Variants in TBC1D8 observed in about 807,000 individuals in gnomAD.
The protein encoded by TBC1D8 is BUB2-like protein 1.
Under a neutral mutation model 118.8 loss-of-function variants are expected in TBC1D8, and 65 were observed. The ratio of observed to expected loss-of-function variants is 0.55; its 90% CI spans 0.45 to 0.67. The LOEUF (loss-of-function observed/expected upper bound fraction) is 0.67, where lower values mean the gene tolerates loss of function less well. Ranked by LOEUF, TBC1D8 falls within the 30% of genes least tolerant of loss-of-function variation. The pLI is 0.00. For missense variants in TBC1D8, 1,376 were observed against 1,471.2 expected, an observed-to-expected ratio of 0.94 and a Z score of 1.06; for synonymous variants, 566 against 595.8, an observed-to-expected ratio of 0.95 and a Z score of 0.73.
At chr2:101,122,383 CAAAAAAAAAAAAAAAA>C (rs70943064) in intron 1 of TBC1D8, among the ~76,000 whole-genome samples, 3,963 of 72,070 alleles carry the variant, frequency 0.055, 285 homozygotes, top group African/African-American at 0.16. Flanking sequence ...GACTCCATTT[CAAAAAAAAAAAAAAAA>C]AAAAAAAAAA....
rs1199358849 is a variant in TBC1D8 at position 101,134,191 on chromosome 2, TCTCTCTCACACACACA to T, written c.127+16920_127+16935del. Among the ~76,000 whole-genome samples the T allele has an allele frequency of 2.3e-3, 217 of 96,080 alleles. 1 individual carries two copies. The highest frequency in any genetic ancestry group is 7.0e-3 in the African/African-American group (154 of 22,056). 63.0% of individuals were successfully genotyped at this position (96,080 alleles called of 152,430 possible). On this transcript the variant is annotated intron_variant, in intron 1 of 19. Coordinates refer to ENST00000409318, the MANE Select transcript of TBC1D8 (RefSeq NM_001330348.2). ...CTCTTTCTCTCTCTCTCTCTCTCTCTCTCTCTCACACACACACACACACACACACACACACACACAC... is the reference window on the plus strand; with the variant it reads ...CTCTTTCTCTCTCTCTCTCTCTCTCTCACACACACACACACACACACACAC...
chr2:101,136,597 C>A (rs1678863330), intron 1 of TBC1D8, among the ~76,000 whole-genome samples: 1 of 152,164 alleles, frequency 6.6e-6, no homozygotes, highest in Non-Finnish European at 1.5e-5. Context: ...AGCATCAAAG[C>A]CTTCCTTTAC....
chr2:101,075,431 G>A (rs1201817366), intron 2 of TBC1D8, among the ~76,000 whole-genome samples: 1 of 151,776 alleles, frequency 6.6e-6, no homozygotes, highest in African/African-American at 2.4e-5. Context: ...CAGGAAGGGT[G>A]ATCTAGTTAG....
rs1681167245 is a variant in TBC1D8, at chr2:101,038,444, G to A, written c.1275+17C>T. On this transcript the variant is annotated intron_variant, in intron 7 of 19. Coordinates refer to ENST00000409318, the MANE Select transcript of TBC1D8 (RefSeq NM_001330348.2). The stretch of plus-strand genomic sequence containing the variant: ...AGACATGAAGAAGGGGATCATCAGG[G>A]TCTGGAGGGACCATACCATGTCATC... 6.2e-7 allele frequency: 1 copy of A among 1,611,222 alleles called. No individual in the cohort carries two copies. Among genetic ancestry groups the A allele is most frequent in the African/African-American group, 1.3e-5 (1 of 74,876 alleles).
At chr2:101,102,658 C>T (rs771998446) in intron 1 of TBC1D8, among the ~76,000 whole-genome samples, 11 of 151,758 alleles carry the variant, frequency 7.2e-5, no homozygotes, top group Non-Finnish European at 1.3e-4. Context: ...AAAAAGTATA[C>T]TACGTTAACA....
At chr2:101,097,324 G>T (rs1259112618) in intron 1 of TBC1D8, among the ~76,000 whole-genome samples, 1 of 151,974 alleles carries the variant, frequency 6.6e-6, no homozygotes, top group Non-Finnish European at 1.5e-5. Context: ...AAATTATTCA[G>T]AGAGAAAGAA....
chr2:101,080,629 C>T (rs1202163457), intron 2 of TBC1D8, among the ~76,000 whole-genome samples: 3 of 152,190 alleles, frequency 2.0e-5, no homozygotes, highest in African/African-American at 7.2e-5. Flanking sequence ...ATGCCTGAAG[C>T]AGCCCTGGCA....
intron 1 of TBC1D8, among the ~76,000 whole-genome samples, chr2:101,149,392 G>A (rs1304029532): frequency 6.6e-6 from 1 of 152,156 alleles, no homozygotes; most frequent in Non-Finnish European, 1.5e-5. Context: ...TGCCCTCCGT[G>A]TCTGGAACCA....
intron 1 of TBC1D8, among the ~76,000 whole-genome samples, chr2:101,101,420 G>C (rs879188087): frequency 3.3e-5 from 5 of 152,176 alleles, no homozygotes; most frequent in Non-Finnish European, 7.3e-5. Flanking sequence ...AGGCTGTGGA[G>C]AAATAGGAAT....
At chr2:101,012,380 C>T (rs910627221) in intron 17 of TBC1D8, among the ~76,000 whole-genome samples, 4 of 152,220 alleles carry the variant, frequency 2.6e-5, no homozygotes, top group Non-Finnish European at 5.9e-5. Context: ...GAATGAAGCA[C>T]TGACGCATGC....
At chr2:101,049,585 G>A (rs1465955969) in intron 5 of TBC1D8, among the ~76,000 whole-genome samples, 1 of 151,782 alleles carries the variant, frequency 6.6e-6, no homozygotes, top group Non-Finnish European at 1.5e-5. Context: ...AAAATTAGCT[G>A]GGCGTGGTGG....
At chr2:101,047,437 G>C (rs1681780314) in intron 5 of TBC1D8, among the ~76,000 whole-genome samples, 2 of 152,208 alleles carry the variant, frequency 1.3e-5, no homozygotes, top group Non-Finnish European at 2.9e-5. Flanking sequence ...CAACCAAAGA[G>C]AGCCAGGGAG....
chr2:101,064,038 C>T (rs1295892592), intron 2 of TBC1D8, among the ~76,000 whole-genome samples: 1 of 152,222 alleles, frequency 6.6e-6, no homozygotes, highest in Non-Finnish European at 1.5e-5. Context: ...CTCACTGCTG[C>T]TTCTGCTGAC....
intron 5 of TBC1D8, among the ~76,000 whole-genome samples, chr2:101,046,493 A>G (rs1184016890): frequency 1.3e-5 from 2 of 152,212 alleles, no homozygotes; most frequent in Non-Finnish European, 2.9e-5. Context: ...GGAGGGTGAG[A>G]CATGGGCCTT....
chr2:101,090,356 C>A lies in TBC1D8; in HGVS notation c.136G>T (p.Val46Phe), dbSNP rs909008823. 15 of 1,613,952 alleles carry A rather than the reference C, an allele frequency of 9.3e-6. No homozygotes were observed. Among genetic ancestry groups the A allele is most frequent in the Non-Finnish European group, 1.3e-5 (15 of 1,179,864 alleles). ...TCCAACACTGCATCCAGAGCGCCGA[C>A]CAGGCGACCTTCAAAAGAAAAGAGA... ...EGGGRLTGRL[V>F]GALDAVLDSN... The change falls in exon 2 of 20, where the codon GTC (valine) becomes TTC (phenylalanine). Residue 46 changes from valine to phenylalanine, a missense_variant. By Grantham distance (50) the Val-to-Phe change is conservative (BLOSUM62 -1). Coordinates refer to ENST00000409318, the MANE Select transcript of TBC1D8 (RefSeq NM_001330348.2).
At chr2:101,130,819 C>T (rs1014980609) in intron 1 of TBC1D8, among the ~76,000 whole-genome samples, 12 of 152,130 alleles carry the variant, frequency 7.9e-5, no homozygotes, top group African/African-American at 2.7e-4. Context: ...CAGTAAATAC[C>T]TGTTGAATGG....
chr2:101,046,289 C>T (rs1305660087), intron 5 of TBC1D8, among the ~76,000 whole-genome samples: 1 of 152,194 alleles, frequency 6.6e-6, no homozygotes, highest in Admixed American at 6.5e-5. Flanking sequence ...ACGAAGGGCC[C>T]CTCATTCCTT....
intron 1 of TBC1D8, among the ~76,000 whole-genome samples, chr2:101,109,312 G>GA (rs938065859): frequency 2.0e-5 from 3 of 152,122 alleles, no homozygotes; most frequent in African/African-American, 7.2e-5. Flanking sequence ...GGTGAGAAAA[G>GA]AAAACTCAGG....
intron 17 of TBC1D8, chr2:101,018,025 AC>A: frequency 8.0e-7 from 1 of 1,244,218 alleles, no homozygotes; most frequent in Non-Finnish European, 1.1e-6. Context: ...TGCTCATTCT[AC>A]ATATCAACCC....
Sources: gnomAD v4.1 joint callset for allele counts (sites outside exome capture counted in the v4.1 genomes callset) on GRCh38, gnomAD v4.1.1 for gene constraint, MANE v1.5 for transcripts, NCBI Gene and HGNC (gene_info 2026-07-23, HGNC 2026-07-21) for gene names.